Variants in PHACTR1 observed in about 807,000 individuals in gnomAD.
PHACTR1 encodes the protein RPEL repeat containing 1.
A neutral mutation model predicts 69.2 loss-of-function variants in PHACTR1; 16 were observed. The ratio of observed to expected loss-of-function variants is 0.23; its 90% CI spans 0.16 to 0.35. The LOEUF (loss-of-function observed/expected upper bound fraction) is 0.35. Ranked by LOEUF, PHACTR1 falls within the 10% of genes least tolerant of loss-of-function variation. The pLI is 1.00. For synonymous variants in PHACTR1, 312 were observed against 284.5 expected (o/e 1.10, Z -0.97); for missense variants, 510 against 734.7 (o/e 0.69, Z 3.54).
rs531044211 is a variant in PHACTR1, at chr6:12,849,178, C to T, written c.250+99388C>T. ...CAACGTAAGAGCAATGACAGAAGCTCCCTAGGAGCGTGTGAAAGAATGAGC... is the reference window on the plus strand; with the variant it reads ...CAACGTAAGAGCAATGACAGAAGCTTCCTAGGAGCGTGTGAAAGAATGAGC... On this transcript the variant is annotated intron_variant, in intron 4 of 14. Coordinates refer to ENST00000332995, the MANE Select transcript of PHACTR1 (RefSeq NM_030948.6). Among the ~76,000 whole-genome samples, 67 of 152,226 alleles carry T rather than the reference C, an allele frequency of 4.4e-4. 1 individual carries two copies. Among genetic ancestry groups the T allele is most frequent in the Non-Finnish European group, 7.5e-4 (51 of 68,000 alleles).
intron 4 of PHACTR1, among the ~76,000 whole-genome samples, chr6:12,877,024 C>T (rs1782588812): frequency 6.6e-6 from 1 of 152,176 alleles, no homozygotes; most frequent in African/African-American, 2.4e-5. Flanking sequence ...TCTCAGGCCC[C>T]AAACAGATTG....
intron 10 of PHACTR1, among the ~76,000 whole-genome samples, chr6:13,234,741 G>A (rs574614976): frequency 6.6e-6 from 1 of 152,332 alleles, no homozygotes; most frequent in South Asian, 2.1e-4. Flanking sequence ...CAATAAGCAA[G>A]TCATCTGGAT....
At chr6:13,173,917 C>T (rs1457750206) in intron 6 of PHACTR1, among the ~76,000 whole-genome samples, 1 of 152,172 alleles carries the variant, frequency 6.6e-6, no homozygotes, top group East Asian at 1.9e-4. Context: ...CCATGTTGGC[C>T]AGGATGGTCT....
intron 5 of PHACTR1, among the ~76,000 whole-genome samples, chr6:13,121,527 A>G (rs1440186279): frequency 1.3e-5 from 2 of 152,218 alleles, no homozygotes; most frequent in African/African-American, 2.4e-5. Flanking sequence ...ACACTCTGCT[A>G]TGTAGGATAT....
rs4053020 is a variant in PHACTR1 at position 13,179,701 on chromosome 6, GAGATAGATAGATAGATAGATAGAT to G, written c.497-2794_497-2771del. On this transcript the variant is annotated intron_variant, in intron 6 of 14. Transcript: ENST00000332995. This position sits in a 1 kb window ranked among gnomAD's most constrained non-coding sequence, Gnocchi z 4.2. ...AGGTAGGTAGATAGATAAGTAGATA[GAGATAGATAGATAGATAGATAGAT>G]AGATAGATAGATAGATAGATAGACA... Among the ~76,000 whole-genome samples, 21 of 148,314 alleles carry G rather than the reference GAGATAGATAGATAGATAGATAGAT, an allele frequency of 1.4e-4. No individual in the cohort carries two copies. The highest frequency in any genetic ancestry group is 3.9e-4 in the East Asian group (2 of 5,076).
At chr6:13,233,401 G>T (rs1286397509) in intron 10 of PHACTR1, among the ~76,000 whole-genome samples, 1 of 151,586 alleles carries the variant, frequency 6.6e-6, no homozygotes, top group Non-Finnish European at 1.5e-5. Flanking sequence ...ATGGTGGATG[G>T]CAGGTGTATT....
At chr6:12,858,344 C>A (rs1212058190) in intron 4 of PHACTR1, among the ~76,000 whole-genome samples, 1 of 152,162 alleles carries the variant, frequency 6.6e-6, no homozygotes, top group Admixed American at 6.5e-5. Context: ...AATCATAAAA[C>A]CAATTTGTTA....
chr6:12,767,043 T>C (rs1768708481), intron 4 of PHACTR1, among the ~76,000 whole-genome samples: 1 of 152,216 alleles, frequency 6.6e-6, no homozygotes, highest in Admixed American at 6.5e-5. Flanking sequence ...TCCCCTCACA[T>C]TGTATTTTGG....
chr6:13,223,330 C>A (rs1008651899), intron 8 of PHACTR1, among the ~76,000 whole-genome samples: 1 of 152,140 alleles, frequency 6.6e-6, no homozygotes, highest in Non-Finnish European at 1.5e-5. Flanking sequence ...ATTTTCAGCT[C>A]TATTGCAACT....
intron 4 of PHACTR1, among the ~76,000 whole-genome samples, chr6:12,786,769 C>T (rs1771599738): frequency 1.3e-5 from 2 of 152,142 alleles, no homozygotes; most frequent in African/African-American, 4.8e-5. Context: ...TTCAGAACCA[C>T]GTAACTGAAC....
chr6:12,738,098 G>A (rs1764535105), intron 3 of PHACTR1, among the ~76,000 whole-genome samples: 1 of 152,120 alleles, frequency 6.6e-6, no homozygotes. Flanking sequence ...TGGTCTAGGG[G>A]CTGTCTTCTT....
chr6:12,732,289 C>T (rs1174193878), intron 3 of PHACTR1, among the ~76,000 whole-genome samples: 1 of 142,134 alleles, frequency 7.0e-6, no homozygotes, highest in Non-Finnish European at 1.5e-5. Flanking sequence ...ATTCTTTTTA[C>T]ACACATGGGC....
In PHACTR1 at chr6:13,131,208, T is replaced by TACACACAC. The variant is rs56329629; in HGVS notation, c.416-28965_416-28958dup. The stretch of plus-strand genomic sequence containing the variant: ...ACACACACACATATATATATACACA[T>TACACACAC]ACACACACACACACACACACACACA... On this transcript the variant is annotated intron_variant, in intron 5 of 14. Coordinates refer to ENST00000332995, the MANE Select transcript of PHACTR1 (RefSeq NM_030948.6). 4.1e-3 allele frequency among the ~76,000 whole-genome samples: 602 copies of TACACACAC among 146,416 alleles called. 3 individuals are homozygous for TACACACAC. The highest frequency in any genetic ancestry group is 9.5e-3 in the African/African-American group (366 of 38,354).
chr6:12,776,686 G>T (rs1034814054), intron 4 of PHACTR1, among the ~76,000 whole-genome samples: 36 of 152,282 alleles, frequency 2.4e-4, no homozygotes, highest in African/African-American at 7.9e-4. Flanking sequence ...TTTAAAGTTT[G>T]TTTTTATCTT....
At chr6:12,800,713 C>T (rs111429297) in intron 4 of PHACTR1, among the ~76,000 whole-genome samples, 2,376 of 152,090 alleles carry the variant, frequency 0.016, 20 homozygotes, top group Non-Finnish European at 0.022. Flanking sequence ...TAGTGAAACC[C>T]CAGCTCTACA....
At chr6:12,831,129 A>G (rs1019142438) in intron 4 of PHACTR1, among the ~76,000 whole-genome samples, 3 of 152,186 alleles carry the variant, frequency 2.0e-5, no homozygotes, top group African/African-American at 7.2e-5. Flanking sequence ...AAGATGAAAT[A>G]TTTCTCTATG....
intron 4 of PHACTR1, among the ~76,000 whole-genome samples, chr6:12,807,622 G>C (rs1258876732): frequency 6.6e-6 from 1 of 152,210 alleles, no homozygotes; most frequent in African/African-American, 2.4e-5. Flanking sequence ...TTCTTACAAA[G>C]AGCGGATAAG....
intron 4 of PHACTR1, among the ~76,000 whole-genome samples, chr6:12,810,870 A>C (rs192502107): frequency 6.6e-6 from 1 of 152,244 alleles, no homozygotes; most frequent in East Asian, 1.9e-4. Context: ...TGTCTCTCAC[A>C]TTCTAACTCC....
chr6:12,879,475 G>C (rs1234899414), intron 4 of PHACTR1, among the ~76,000 whole-genome samples: 2 of 152,112 alleles, frequency 1.3e-5, no homozygotes. Context: ...CAGGTACCCA[G>C]TATTTTCTAG....
Sources: gnomAD v4.1 joint callset for allele counts (sites outside exome capture counted in the v4.1 genomes callset) on GRCh38, gnomAD v4.1.1 for gene constraint, Gnocchi (gnomAD v3.1) non-coding constraint, MANE v1.5 for transcripts, NCBI Gene and HGNC (gene_info 2026-07-23, HGNC 2026-07-21) for gene names.